Variants in CEP44 observed in about 807,000 individuals in gnomAD.
CEP44 encodes the protein centrosomal protein of 44 kDa.
In CEP44, 45 loss-of-function variants were observed where a neutral mutation model predicts 46.7. The ratio of observed to expected loss-of-function variants is 0.96; its 90% CI spans 0.76 to 1.24. CEP44 has a LOEUF of 1.24. CEP44 is among the 50% of genes most tolerant of loss of function. The pLI, the probability that CEP44 is intolerant of heterozygous loss-of-function variation, is 0.00. For synonymous variants in CEP44, 142 were observed against 146.0 expected (o/e 0.97, Z 0.20); for missense variants, 475 against 459.7 (o/e 1.03, Z -0.30).
rs1741074018 is a variant in CEP44, at chr4:174,311,497, G to A, written c.961+639G>A. ...ATCATAGCTATAGAAGAGATGTTTT[G>A]TCCAATTGAGAATTCATCGTTAAGT... On this transcript the variant is annotated intron_variant, in intron 9 of 11. Transcript: ENST00000503780. The surrounding 1 kb of genome is among the most constrained non-coding windows in gnomAD (Gnocchi z 4.4). 6.6e-6 allele frequency among the ~76,000 whole-genome samples: 1 copy of A among 152,020 alleles called. No homozygotes were observed. The highest frequency in any genetic ancestry group is 1.5e-5 in the Non-Finnish European group (1 of 67,950).
Position 174,301,965 on chromosome 4 carries a change from T to G in CEP44, c.90-74T>G, listed in dbSNP as rs541158552. 31 of 1,288,714 alleles carry G rather than the reference T, an allele frequency of 2.4e-5. No homozygotes were observed. The highest frequency in any genetic ancestry group is 2.8e-5 in the Non-Finnish European group (26 of 937,612). 79.8% of individuals were successfully genotyped at this position (1,288,714 alleles called of 1,614,324 possible). On this transcript the variant is annotated intron_variant, in intron 3 of 11. Coordinates refer to ENST00000503780, the MANE Select transcript of CEP44 (RefSeq NM_001040157.3). The surrounding 1 kb of genome is among the most constrained non-coding windows in gnomAD (Gnocchi z 4.3). ...ATTATTATAAACATTTCTAATATTT[T>G]CTTGATTATCCAACTTTGTGGAATT...
At chr4:174,299,405 A>G (rs1235271219) in intron 3 of CEP44, among the ~76,000 whole-genome samples, 195 bp downstream of exon 3, 2 of 152,206 alleles carry the variant, frequency 1.3e-5, no homozygotes, top group African/African-American at 4.8e-5. Flanking sequence ...AAGAATTCCA[A>G]CTTAAAAGAT....
downstream of CEP44, among the ~76,000 whole-genome samples, chr4:174,323,098 TA>T (rs570863910): frequency 3.9e-4 from 59 of 152,030 alleles, no homozygotes; most frequent in Middle Eastern, 3.4e-3. Flanking sequence ...TACAAGGTAT[TA>T]AAAAATATAA....
At position 174,331,407 on chromosome 4, in the gene CEP44, T is replaced by C; in HGVS notation, c.1087-75T>C. ...AATATTAATAGCACTCTGACACTGC[T>C]CTAATTCCTATCTACCCATTCTGCC... On this transcript the variant is annotated intron_variant, in intron 8 of 8. Transcript: ENST00000426172. The surrounding 1 kb of genome is among the most constrained non-coding windows in gnomAD (Gnocchi z 4.5). The C allele has an allele frequency of 6.7e-7, 1 of 1,493,032 alleles. No individual in the cohort carries two copies. Among genetic ancestry groups the C allele is most frequent in the East Asian group, 2.5e-5 (1 of 40,522 alleles). The allele number at this position is 1,493,032 out of a possible 1,614,324, so 92.5% of individuals were successfully genotyped here. A position where few individuals can be genotyped will look rare whatever the true frequency, so the allele number is the denominator to read the frequency against.
downstream of CEP44, among the ~76,000 whole-genome samples, chr4:174,320,603 G>A (rs1022559289): frequency 5.9e-5 from 3 of 50,428 alleles, 1 homozygote; most frequent in South Asian, 1.2e-3. Flanking sequence ...GATGGTTTAC[G>A]CAAAAGGACT....
Position 174,295,580 on chromosome 4 carries a change from C to T in CEP44, c.-147-2386C>T, listed in dbSNP as rs541444855. On this transcript the variant is annotated intron_variant, in intron 1 of 11. Coordinates refer to ENST00000503780, the MANE Select transcript of CEP44 (RefSeq NM_001040157.3). ...GCAGAGACGCTCCTCACTTCCCAGA[C>T]GGGGTGGCGGCCGGGCAGAGGCTGC... Among the ~76,000 whole-genome samples the T allele has an allele frequency of 3.9e-3, 596 of 151,350 alleles. 3 individuals carry two copies. The highest frequency in any genetic ancestry group is 0.014 in the African/African-American group (573 of 41,152).
At chr4:174,307,263 C>A (rs1740523744) in intron 6 of CEP44, among the ~76,000 whole-genome samples, 1 of 152,082 alleles carries the variant, frequency 6.6e-6, no homozygotes, top group South Asian at 2.1e-4. Context: ...CCAGAACAGA[C>A]ACATAGACCA....
intron 1 of CEP44, among the ~76,000 whole-genome samples, chr4:174,285,136 A>T (rs1014320843): frequency 6.6e-6 from 1 of 152,246 alleles, no homozygotes; most frequent in Non-Finnish European, 1.5e-5. Context: ...TATTGAATCT[A>T]TGCTGCAAGC....
Position 174,298,551 on chromosome 4 carries a change from A to G in CEP44, c.-51+489A>G, listed in dbSNP as rs542689045. On this transcript the variant is annotated intron_variant, in intron 2 of 11. Coordinates refer to ENST00000503780, the MANE Select transcript of CEP44 (RefSeq NM_001040157.3). Reference sequence around the variant, plus strand: ...GAAGGTAACATGCATTTAATCTGTCATATTTATCCAAGTGAACCCTGCATT... The same window carrying G: ...GAAGGTAACATGCATTTAATCTGTCGTATTTATCCAAGTGAACCCTGCATT... Among the ~76,000 whole-genome samples the G allele has an allele frequency of 5.9e-5, 9 of 152,292 alleles. No individual in the cohort carries two copies. The East Asian group carries it at 1.7e-3, about 29-fold the overall frequency.
At chr4:174,321,528 A>T (rs957190280), downstream of CEP44, among the ~76,000 whole-genome samples, 4 of 152,316 alleles carry the variant, frequency 2.6e-5, no homozygotes, top group Admixed American at 2.6e-4. Context: ...TGCACAATTC[A>T]TACCATTAGC....
At chr4:174,330,935 C>T (rs115628290) in intron 8 of CEP44, among the ~76,000 whole-genome samples, 62 of 151,906 alleles carry the variant, frequency 4.1e-4, no homozygotes, top group Non-Finnish European at 7.7e-4. Context: ...TTATAAAGTT[C>T]GTTAATATAA....
At chr4:174,313,624 T>G (rs767735337) in intron 9 of CEP44, among the ~76,000 whole-genome samples, 21 of 152,200 alleles carry the variant, frequency 1.4e-4, no homozygotes, top group Non-Finnish European at 2.9e-4. Context: ...TAGGCAAGGA[T>G]AATTTGAAGA....
chr4:174,302,169 A>G lies in CEP44; in HGVS notation c.220A>G (p.Ile74Val). Reference protein sequence around the residue: ...ELIAKNDLRFIDAVYKLLRDQ... With the variant: ...ELIAKNDLRFVDAVYKLLRDQ... ...CATAGCAAAAAATGACTTGCGCTTT[A>G]TAGATGCTGTCTATAAGGTATTTTG... Residue 74 changes from isoleucine (I) to valine (V), a missense_variant, in exon 4 of 12, where the codon ATA becomes GTA. Transcript: ENST00000503780. 3 of 1,602,146 alleles carry G rather than the reference A, an allele frequency of 1.9e-6. No homozygotes were observed. Among genetic ancestry groups the G allele is most frequent in the Non-Finnish European group, 2.6e-6 (3 of 1,173,456 alleles).
At chr4:174,316,794 G>T in intron 11 of CEP44, 1 of 376,042 alleles carries the variant, frequency 2.7e-6, no homozygotes, top group Non-Finnish European at 4.8e-6. Flanking sequence ...TGTTGGAATT[G>T]TTAATGGAAT....
chr4:174,296,014 G>A (rs1460125868), intron 1 of CEP44, among the ~76,000 whole-genome samples: 2 of 152,164 alleles, frequency 1.3e-5, no homozygotes, highest in African/African-American at 4.8e-5. Context: ...GTTGTACTAA[G>A]CCCCTGCATA....
chr4:174,309,005 A>C lies in CEP44; in HGVS notation c.678+146A>C. ...TCTATGTTACAATTACTGAAGTGTC[A>C]ATAAGTCTTACTAAAATAATTCAAC... On this transcript the variant is annotated intron_variant, in intron 7 of 11. Coordinates refer to ENST00000503780, the MANE Select transcript of CEP44 (RefSeq NM_001040157.3). This position sits in a 1 kb window ranked among gnomAD's most constrained non-coding sequence, Gnocchi z 5.3. 1 of 756,918 alleles carries C rather than the reference A, an allele frequency of 1.3e-6. No homozygotes were observed. The highest frequency in any genetic ancestry group is 2.7e-5 in the East Asian group (1 of 36,936). The allele number at this position is 756,918 out of a possible 1,614,324, so 46.9% of individuals were successfully genotyped here.
At position 174,309,719 on chromosome 4, in the gene CEP44, T is replaced by C. The variant is rs904895605; in HGVS notation, c.679-131T>C. On this transcript the variant is annotated intron_variant, in intron 7 of 11. Coordinates refer to ENST00000503780, the MANE Select transcript of CEP44 (RefSeq NM_001040157.3). This position sits in a 1 kb window ranked among gnomAD's most constrained non-coding sequence, Gnocchi z 5.3. ...TGGCCAAGTAGTCTCCATCCAGAGA[T>C]AGCTCTCTTAACTCTCAAGCAGGAC... 3.2e-6 allele frequency: 2 copies of C among 618,332 alleles called. No individual in the cohort carries two copies. Among genetic ancestry groups the C allele is most frequent in the African/African-American group, 1.8e-5 (1 of 54,168 alleles). The allele number at this position is 618,332 out of a possible 1,614,324, so 38.3% of individuals were successfully genotyped here. A position where few individuals can be genotyped will look rare whatever the true frequency, so the allele number is the denominator to read the frequency against.
chr4:174,290,686 T>C lies in CEP44; in HGVS notation c.-148+6743T>C, dbSNP rs1451420721. On this transcript the variant is annotated intron_variant, in intron 1 of 11. Transcript: ENST00000503780. The surrounding 1 kb of genome is among the most constrained non-coding windows in gnomAD (Gnocchi z 4.3). ...TGATATCTATTTCTTCCTCCAATTC[T>C]ATCAATATTTGCTGTTGGCATTCTG... is the stretch of plus-strand genomic sequence containing the variant. Among the ~76,000 whole-genome samples the C allele has an allele frequency of 6.6e-6, 1 of 152,240 alleles. No homozygotes were observed. Among genetic ancestry groups the C allele is most frequent in the African/African-American group, 2.4e-5 (1 of 41,474 alleles).
At chr4:174,332,611 T>C (rs1731373536) in exon 9 of CEP44, 1 of 152,214 alleles carries the variant, frequency 6.6e-6, no homozygotes, top group Non-Finnish European at 1.5e-5. Context: ...GGTCCATATC[T>C]TAAAGTGTCA....
Sources: gnomAD v4.1 joint callset for allele counts (sites outside exome capture counted in the v4.1 genomes callset) on GRCh38, gnomAD v4.1.1 for gene constraint, Gnocchi (gnomAD v3.1) non-coding constraint, MANE v1.5 for transcripts, NCBI Gene and HGNC (gene_info 2026-07-23, HGNC 2026-07-21) for gene names.